POT1: variants seen among roughly 807,000 people sequenced by gnomAD.
The protein encoded by POT1 is protection of telomeres protein 1.
POT1 carries 47 observed loss-of-function variants against 78.5 expected under a neutral mutation model. The observed-to-expected ratio is 0.60, with a 90% CI of 0.47 to 0.76. POT1 has a LOEUF of 0.76. Among genes scored for constraint, POT1 ranks in the 30% least tolerant of loss-of-function variants. The probability of loss-of-function intolerance (pLI) is 0.00; values close to 1 mark genes in which losing one functional copy is unlikely to be tolerated. For synonymous variants in POT1, 259 were observed against 260.7 expected (o/e 0.99, Z 0.06); for missense variants, 646 against 749.9 (o/e 0.86, Z 1.62).
chr7:124,827,399 A>C (rs929994537), intron 16 of POT1, 94 bp from the exon 17 acceptor site: 2 of 553,312 alleles, frequency 3.6e-6, no homozygotes, highest in Non-Finnish European at 5.8e-6. Flanking sequence ...TAGACCTGTA[A>C]ATTTTATTTA....
At chr7:124,926,147 A>G (rs1287242389) in intron 2 of POT1, among the ~76,000 whole-genome samples, 2 of 152,140 alleles carry the variant, frequency 1.3e-5, no homozygotes, top group African/African-American at 2.4e-5. Context: ...TACAAAAGAA[A>G]TAACAGAATG....
At chr7:124,849,138 T>A (rs1239245241) in intron 11 of POT1, among the ~76,000 whole-genome samples, 2 of 152,108 alleles carry the variant, frequency 1.3e-5, no homozygotes, top group East Asian at 3.9e-4. Context: ...AAAATCCAAG[T>A]CAAGAGGACT....
intron 5 of POT1, 66 bp from the exon 6 acceptor site, chr7:124,892,446 T>G: frequency 2.5e-6 from 2 of 799,518 alleles, no homozygotes; most frequent in South Asian, 5.8e-5. Flanking sequence ...CATGTTATAA[T>G]CATATTAGCA....
chr7:124,826,157 C>A (rs896741327), intron 17 of POT1, among the ~76,000 whole-genome samples: 3 of 152,108 alleles, frequency 2.0e-5, no homozygotes, highest in African/African-American at 7.2e-5. Flanking sequence ...GTCAACCATA[C>A]CTACGTGATA....
intron 7 of POT1, among the ~76,000 whole-genome samples, chr7:124,868,630 G>T (rs990619804): frequency 1.3e-5 from 2 of 150,668 alleles, no homozygotes; most frequent in African/African-American, 2.4e-5. Context: ...AGTAAAAAAA[G>T]GTAACTATTA....
chr7:124,895,589 T>C (rs1195460398), intron 5 of POT1, among the ~76,000 whole-genome samples: 1 of 151,638 alleles, frequency 6.6e-6, no homozygotes, highest in East Asian at 1.9e-4. Flanking sequence ...CTATGTACTA[T>C]ACGGGGCACT....
rs78613048 is a variant in POT1, at chr7:124,856,559, T to C, written c.702+2398A>G. On this transcript the variant is annotated intron_variant, in intron 9 of 18. Coordinates refer to ENST00000357628, the MANE Select transcript of POT1 (RefSeq NM_015450.3). ...TCCACAGCATTCACTGATTCATTCA[T>C]TCAGCAGCAGCTATTACTTACTTCA... 2.3e-3 allele frequency among the ~76,000 whole-genome samples: 346 copies of C among 152,326 alleles called. 11 individuals carry two copies. The East Asian group carries it at 0.058, about 26-fold the overall frequency.
intron 6 of POT1, among the ~76,000 whole-genome samples, chr7:124,889,880 G>A (rs190593988): frequency 6.6e-6 from 1 of 151,892 alleles, no homozygotes; most frequent in East Asian, 1.9e-4. Context: ...AGCTCTGATG[G>A]AGATGTTCAA....
intron 6 of POT1, among the ~76,000 whole-genome samples, chr7:124,881,337 C>T (rs7799938): frequency 0.6 from 91,219 of 151,686 alleles, 27,553 homozygotes; most frequent in African/African-American, 0.65. Context: ...CTGTCATACA[C>T]GCAGTCCACT....
intron 3 of POT1, among the ~76,000 whole-genome samples, chr7:124,913,451 C>T (rs1050556250): frequency 6.6e-6 from 1 of 152,046 alleles, no homozygotes; most frequent in Non-Finnish European, 1.5e-5. Context: ...ATGATAATGT[C>T]CTTTGATGCA....
At chr7:124,846,404 T>C (rs946453127) in intron 12 of POT1, among the ~76,000 whole-genome samples, 5 of 152,018 alleles carry the variant, frequency 3.3e-5, no homozygotes, top group Non-Finnish European at 7.4e-5. Context: ...GCACATTTAA[T>C]AAATTTGTGG....
chr7:124,899,125 T>C (rs1403888642), intron 3 of POT1, among the ~76,000 whole-genome samples: 1 of 152,192 alleles, frequency 6.6e-6, no homozygotes, highest in Non-Finnish European at 1.5e-5. Flanking sequence ...ATTACCACAG[T>C]GTGCTCTGCA....
chr7:124,842,198 G>C (rs1195601894), intron 13 of POT1, among the ~76,000 whole-genome samples: 1 of 151,934 alleles, frequency 6.6e-6, no homozygotes, highest in Non-Finnish European at 1.5e-5. Context: ...CAGAGGAAAA[G>C]TAGGCAAATT....
chr7:124,878,867 C>A (rs187366912), intron 6 of POT1, among the ~76,000 whole-genome samples: 1 of 151,786 alleles, frequency 6.6e-6, no homozygotes, highest in Admixed American at 6.6e-5. Flanking sequence ...AATATAAATG[C>A]TCATAATTAT....
intron 18 of POT1, 70 bp from the exon 19 acceptor site, chr7:124,824,144 T>G: frequency 5.2e-5 from 43 of 831,734 alleles, no homozygotes; most frequent in Non-Finnish European, 7.5e-5. Context: ...AATAGGTACC[T>G]AAGCTTACCA....
chr7:124,844,217 C>A (rs1373234773), intron 12 of POT1, among the ~76,000 whole-genome samples: 1 of 150,244 alleles, frequency 6.7e-6, no homozygotes, highest in African/African-American at 2.4e-5. Flanking sequence ...CAACCTCTAC[C>A]TCCCAGGTTC....
At chr7:124,882,131 T>C (rs950200358) in intron 6 of POT1, among the ~76,000 whole-genome samples, 1 of 151,964 alleles carries the variant, frequency 6.6e-6, no homozygotes, top group Non-Finnish European at 1.5e-5. Flanking sequence ...GAGCTGGTAG[T>C]TCATCTTAGC....
At position 124,911,732 on chromosome 7, in the gene POT1, A is replaced by G. The variant is rs1796894213; in HGVS notation, c.-154+3842T>C. Reference sequence around the variant, plus strand: ...CTTCACAGCAACTTGAGCAAAAAAGATAAAATCTGAGTTTGACAATGTATC... The same window carrying G: ...CTTCACAGCAACTTGAGCAAAAAAGGTAAAATCTGAGTTTGACAATGTATC... On this transcript the variant is annotated intron_variant, in intron 3 of 18. Transcript: ENST00000357628. 2.0e-5 allele frequency among the ~76,000 whole-genome samples: 3 copies of G among 152,160 alleles called. No individual in the cohort carries two copies. The South Asian group carries it at 6.2e-4, about 31-fold the overall frequency.
intron 11 of POT1, among the ~76,000 whole-genome samples, chr7:124,847,577 A>C (rs1419652365): frequency 1.1e-4 from 17 of 152,222 alleles, no homozygotes; most frequent in Admixed American, 1.0e-3. Context: ...GAAGTGCAGA[A>C]AATCTAGAAT....
Sources: allele counts gnomAD v4.1 joint callset (sites outside exome capture counted in the v4.1 genomes callset), GRCh38; gene constraint gnomAD v4.1.1; transcripts MANE v1.5; gene names NCBI Gene and HGNC (gene_info 2026-07-23, HGNC 2026-07-21).